Variants in NAALADL2 observed in about 807,000 individuals in gnomAD.
NAALADL2 encodes N-acetylated alpha-linked acidic dipeptidase like 2.
NAALADL2 carries 76 observed loss-of-function variants against 87.2 expected under a neutral mutation model. That is an observed-to-expected ratio of 0.87 (90% CI 0.72 to 1.05). The LOEUF is 1.05. NAALADL2 is among the 50% of genes least tolerant of loss of function. The pLI, the probability that NAALADL2 is intolerant of heterozygous loss-of-function variation, is 0.00. For missense variants in NAALADL2, 1,089 were observed against 945.8 expected (o/e 1.15, Z -1.99); for synonymous variants, 354 against 331.0 (o/e 1.07, Z -0.75).
At chr3:175,733,534 G>A (rs1405200186) in intron 11 of NAALADL2, among the ~76,000 whole-genome samples, 1 of 152,080 alleles carries the variant, frequency 6.6e-6, no homozygotes, top group Non-Finnish European at 1.5e-5. Context: ...ATGAGATTTG[G>A]GTGGGGACAC....
At chr3:175,086,967 T>G (rs1022953847) in intron 1 of NAALADL2, among the ~76,000 whole-genome samples, 14 of 152,138 alleles carry the variant, frequency 9.2e-5, no homozygotes, top group Non-Finnish European at 1.6e-4. Flanking sequence ...ACTTGAATTT[T>G]GTATTATTGA....
intron 1 of NAALADL2, among the ~76,000 whole-genome samples, chr3:174,920,846 T>C (rs1295973563): frequency 6.6e-6 from 1 of 152,192 alleles, no homozygotes; most frequent in Non-Finnish European, 1.5e-5. Context: ...GTAGAAGCCA[T>C]GTAATTAATT....
intron 1 of NAALADL2, among the ~76,000 whole-genome samples, chr3:174,455,774 G>A (rs530640664): frequency 6.6e-6 from 1 of 152,236 alleles, no homozygotes; most frequent in East Asian, 1.9e-4. Flanking sequence ...CATACTGAAT[G>A]AGCAAAAGCA....
chr3:174,790,056 C>G (rs533048718), intron 3 of NAALADL2, among the ~76,000 whole-genome samples: 1 of 152,180 alleles, frequency 6.6e-6, no homozygotes, highest in African/African-American at 2.4e-5. Context: ...ACTCTTGGCT[C>G]TCTTTCACCA....
intron 2 of NAALADL2, among the ~76,000 whole-genome samples, chr3:174,725,675 C>T (rs1164890241): frequency 3.3e-5 from 5 of 152,134 alleles, no homozygotes; most frequent in African/African-American, 1.2e-4. Flanking sequence ...TTCTAGAGAA[C>T]CGTTTTTTAT....
At chr3:175,509,195 T>G (rs560510482) in intron 9 of NAALADL2, among the ~76,000 whole-genome samples, 3 of 152,066 alleles carry the variant, frequency 2.0e-5, no homozygotes, top group African/African-American at 4.8e-5. Flanking sequence ...GTTCCTATAC[T>G]GTAATATTTC....
At chr3:175,077,048 A>G (rs1334360281) in intron 1 of NAALADL2, among the ~76,000 whole-genome samples, 1 of 152,178 alleles carries the variant, frequency 6.6e-6, no homozygotes, top group East Asian at 1.9e-4. Flanking sequence ...ATGAAAGGTA[A>G]ATTAAAGGTT....
At chr3:174,971,350 T>C (rs1287682047) in intron 1 of NAALADL2, among the ~76,000 whole-genome samples, 1 of 152,152 alleles carries the variant, frequency 6.6e-6, no homozygotes, top group African/African-American at 2.4e-5. Context: ...AAAGTAAAAA[T>C]TTCTTTCTTC....
chr3:174,973,152 T>G (rs1287784911), intron 1 of NAALADL2, among the ~76,000 whole-genome samples: 3 of 152,206 alleles, frequency 2.0e-5, no homozygotes, highest in Non-Finnish European at 4.4e-5. Context: ...GGTATAAGTA[T>G]CTTTAGGGCA....
At chr3:175,676,626 T>G (rs1325060686) in intron 11 of NAALADL2, 1 of 151,534 alleles carries the variant, frequency 6.6e-6, no homozygotes, top group South Asian at 2.1e-4. Context: ...TCCAAATCAG[T>G]GTGCTCTTGA....
intron 2 of NAALADL2, among the ~76,000 whole-genome samples, chr3:175,167,023 C>A (rs989552283): frequency 4.6e-5 from 7 of 152,060 alleles, no homozygotes; most frequent in African/African-American, 1.7e-4. Flanking sequence ...ACTTCCTAAT[C>A]AAGGACATTT....
At chr3:175,605,656 T>A (rs991421460) in intron 10 of NAALADL2, among the ~76,000 whole-genome samples, 2 of 142,212 alleles carry the variant, frequency 1.4e-5, no homozygotes, top group African/African-American at 5.1e-5. Flanking sequence ...TTTTTTTTTT[T>A]AACTGTATTT....
At chr3:174,597,322 A>G (rs1358279074) in intron 2 of NAALADL2, among the ~76,000 whole-genome samples, 36 of 152,188 alleles carry the variant, frequency 2.4e-4, no homozygotes, top group Admixed American at 2.4e-3. Context: ...ATAGGTACCC[A>G]TTGCCTAACA....
chr3:174,762,868 C>G (rs755172192), intron 3 of NAALADL2, among the ~76,000 whole-genome samples: 1 of 152,054 alleles, frequency 6.6e-6, no homozygotes, highest in Non-Finnish European at 1.5e-5. Flanking sequence ...TTAAAACAAT[C>G]AAGAACTTTT....
chr3:175,791,567 C>T (rs947142328), intron 13 of NAALADL2, among the ~76,000 whole-genome samples: 17 of 152,152 alleles, frequency 1.1e-4, no homozygotes, highest in Non-Finnish European at 1.9e-4. Context: ...GGCAGCAAGA[C>T]TGTCATGACA....
chr3:175,121,878 A>G (rs547681331), intron 2 of NAALADL2, among the ~76,000 whole-genome samples: 1 of 151,928 alleles, frequency 6.6e-6, no homozygotes, highest in Admixed American at 6.6e-5. Context: ...GGGAGATTTT[A>G]TATAAAAGAC....
At chr3:175,262,596 G>GTA (rs1050325837) in intron 4 of NAALADL2, among the ~76,000 whole-genome samples, 3 of 151,470 alleles carry the variant, frequency 2.0e-5, no homozygotes, top group African/African-American at 7.3e-5. Flanking sequence ...GTGTGTGTGT[G>GTA]TGTGTGTGTG....
intron 13 of NAALADL2, among the ~76,000 whole-genome samples, chr3:175,786,878 A>G (rs1752052653): frequency 1.3e-5 from 2 of 152,264 alleles, no homozygotes; most frequent in African/African-American, 4.8e-5. Flanking sequence ...GGTGATGTAC[A>G]GATGGGTTTT....
At chr3:175,030,633 A>G (rs1008503808) in intron 1 of NAALADL2, among the ~76,000 whole-genome samples, 5 of 152,212 alleles carry the variant, frequency 3.3e-5, no homozygotes, top group Non-Finnish European at 5.9e-5. Flanking sequence ...TTGATTTACA[A>G]TTAGGACTGC....
Sources: gnomAD v4.1 joint callset for allele counts (sites outside exome capture counted in the v4.1 genomes callset) on GRCh38, gnomAD v4.1.1 for gene constraint, MANE v1.5 for transcripts, NCBI Gene and HGNC (gene_info 2026-07-23, HGNC 2026-07-21) for gene names.